Variants in SLC15A2 observed in about 807,000 individuals in gnomAD.
The protein encoded by SLC15A2 is solute carrier family 15 member 2, also known as kidney H(+)/peptide cotransporter.
Under a neutral mutation model 95.5 loss-of-function variants are expected in SLC15A2, and 77 were observed. The ratio of observed to expected loss-of-function variants is 0.81; its 90% CI spans 0.67 to 0.97. The LOEUF is 0.97. SLC15A2 is among the 50% of genes least tolerant of loss of function. The probability of loss-of-function intolerance (pLI) is 0.00; values close to 1 mark genes in which losing one functional copy is unlikely to be tolerated. For missense variants in SLC15A2, 893 were observed against 874.4 expected, an observed-to-expected ratio of 1.02 and a Z score of -0.27; for synonymous variants, 306 against 306.9, an observed-to-expected ratio of 1.00 and a Z score of 0.03.
intron 4 of SLC15A2, among the ~76,000 whole-genome samples, chr3:121,912,243 GTTTGT>G (rs912334753): frequency 3.3e-5 from 5 of 152,038 alleles, no homozygotes; most frequent in Admixed American, 6.6e-5. Flanking sequence ...TTGTTTGTTT[GTTTGT>G]TTTTAGACAG....
At chr3:121,920,255 C>G (rs1033526955) in intron 7 of SLC15A2, among the ~76,000 whole-genome samples, 2 of 152,102 alleles carry the variant, frequency 1.3e-5, no homozygotes, top group African/African-American at 4.8e-5. Flanking sequence ...TTATTCCCTA[C>G]CCAAAATTTT....
At chr3:121,939,000 G>A (rs1710406134) in intron 19 of SLC15A2, among the ~76,000 whole-genome samples, 1 of 152,188 alleles carries the variant, frequency 6.6e-6, no homozygotes, top group Admixed American at 6.5e-5. Context: ...GGAATTATCT[G>A]AAAATTTATT....
rs1445940550 is a variant in SLC15A2 at position 121,940,919 on chromosome 3, CAG to C, written c.2105_2106del (p.Glu702GlyfsTer8). 8 of 1,614,126 alleles carry C rather than the reference CAG, an allele frequency of 5.0e-6. No homozygotes were observed. In the Middle Eastern group the frequency reaches 4.9e-4, roughly 100 times the overall value. ...GGCTACTACTATGTTCCTGTAAAGA[CAG>C]AGGATATGCGGGGTCCAGCAGATAA... On this transcript the variant is annotated frameshift_variant, in exon 22 of 22. Coordinates refer to ENST00000489711, the MANE Select transcript of SLC15A2 (RefSeq NM_021082.4). LOFTEE classifies it high-confidence loss of function.
intron 19 of SLC15A2, among the ~76,000 whole-genome samples, chr3:121,938,050 G>GT (rs1710383409): frequency 6.6e-6 from 1 of 151,232 alleles, no homozygotes; most frequent in African/African-American, 2.5e-5. Flanking sequence ...TGCCCCTGCT[G>GT]GGGGGTGCCT....
intron 20 of SLC15A2, 90 bp downstream of exon 20, chr3:121,939,585 A>G (rs1173784150): frequency 1.0e-5 from 12 of 1,189,146 alleles, no homozygotes; most frequent in Non-Finnish European, 1.1e-5. Context: ...TAGGTATGTT[A>G]TCTCTTTTGG....
intron 3 of SLC15A2, among the ~76,000 whole-genome samples, chr3:121,898,391 A>G (rs1709461669): frequency 6.6e-6 from 1 of 152,142 alleles, no homozygotes. Flanking sequence ...AGTATCTTTT[A>G]AGTCCCTGAA....
chr3:121,927,211 A>G (rs922318347), intron 13 of SLC15A2, among the ~76,000 whole-genome samples: 3 of 152,234 alleles, frequency 2.0e-5, no homozygotes, highest in African/African-American at 7.2e-5. Context: ...GTATTTTGCA[A>G]TGTGAGAAGG....
At chr3:121,931,579 A>G in intron 18 of SLC15A2, 60 bp from the exon 19 acceptor site, 2 of 1,035,958 alleles carry the variant, frequency 1.9e-6, no homozygotes, top group Non-Finnish European at 3.0e-6. Context: ...TTTCACCTGG[A>G]GATGGGAATG....
At chr3:121,930,478 G>T (rs912140164) in intron 17 of SLC15A2, among the ~76,000 whole-genome samples, 2 of 152,132 alleles carry the variant, frequency 1.3e-5, no homozygotes, top group African/African-American at 4.8e-5. Flanking sequence ...TAAAGTCTCA[G>T]TTGATAGATT....
rs752201942 is a variant in SLC15A2 at position 121,896,429 on chromosome 3, A to G, written c.129A>G (p.Pro43=). The G allele has an allele frequency of 6.2e-7, 1 of 1,614,124 alleles. No homozygotes were observed. The highest frequency in any genetic ancestry group is 1.1e-5 in the South Asian group (1 of 91,084). The part of the protein sequence containing the change: ...PSPTICGSNY[P]LSIAFIVVNE... ...AGACAATCTGTGGCTCCAACTATCCACTGAGCATTGCCTTCATTGTGGTGA... is the reference window on the plus strand; with the variant it reads ...AGACAATCTGTGGCTCCAACTATCCGCTGAGCATTGCCTTCATTGTGGTGA... Residue 43 remains proline (P), a synonymous_variant, in exon 2 of 22, where the codon CCA becomes CCG. Coordinates refer to ENST00000489711, the MANE Select transcript of SLC15A2 (RefSeq NM_021082.4).
In SLC15A2 at chr3:121,925,896, A is replaced by C. The variant is rs1046617201; in HGVS notation, c.1124+863A>C. On this transcript the variant is annotated intron_variant, in intron 13 of 21. Transcript: ENST00000489711. ...TGCCAAAGCCAACAGATTTCTGCAG[A>C]GGAATGTGAGGTAAAGCATGTACAG... 3.3e-5 allele frequency among the ~76,000 whole-genome samples: 5 copies of C among 151,226 alleles called. No homozygotes were observed. The East Asian group carries it at 9.8e-4, about 30-fold the overall frequency.
chr3:121,935,630 T>C (rs1189847243), intron 19 of SLC15A2, among the ~76,000 whole-genome samples: 1 of 151,880 alleles, frequency 6.6e-6, no homozygotes, highest in East Asian at 1.9e-4. Flanking sequence ...TCATTTTTTA[T>C]TGCGTCTATT....
intron 3 of SLC15A2, among the ~76,000 whole-genome samples, chr3:121,907,764 C>A (rs1263162721): frequency 6.6e-6 from 1 of 152,174 alleles, no homozygotes; most frequent in Non-Finnish European, 1.5e-5. Flanking sequence ...CAGAGGGACA[C>A]CCGCCTGTAA....
chr3:121,915,562 A>T (rs1334136850), intron 6 of SLC15A2, 54 bp from the exon 7 acceptor site: 1 of 1,359,714 alleles, frequency 7.4e-7, no homozygotes, highest in African/African-American at 1.4e-5. Context: ...AGAATAAAAC[A>T]TCAAATATTC....
At chr3:121,915,571 T>C in intron 6 of SLC15A2, 45 bp from the exon 7 acceptor site, 2 of 1,417,948 alleles carry the variant, frequency 1.4e-6, no homozygotes, top group Non-Finnish European at 2.0e-6. Flanking sequence ...CATCAAATAT[T>C]CAAGACTCAG....
rs1292510492 is a variant in SLC15A2 at position 121,937,088 on chromosome 3, T to G, written c.1762-2261T>G. ...TCTTTTCTTTAAGAATGTTGAATAT[T>G]GGCCCCCACTCTCTTCTGGCTTGTA... is the stretch of plus-strand genomic sequence containing the variant. On this transcript the variant is annotated intron_variant, in intron 19 of 21. Coordinates refer to ENST00000489711, the MANE Select transcript of SLC15A2 (RefSeq NM_021082.4). Among the ~76,000 whole-genome samples, 8 of 132,502 alleles carry G rather than the reference T, an allele frequency of 6.0e-5. 1 individual carries two copies. Among genetic ancestry groups the G allele is most frequent in the Admixed American group, 5.6e-4 (7 of 12,576 alleles). 86.9% of individuals were successfully genotyped at this position (132,502 alleles called of 152,430 possible).
chr3:121,944,003 A>AT lies in SLC15A2; in HGVS notation c.*3002dup, dbSNP rs1710506612. ...AAATGTCTATATCTGTTATGTATCA[A>AT]TTTTTTAAAAAGTGAATGACATAAT... is the stretch of plus-strand genomic sequence containing the variant. On this transcript the variant is annotated 3_prime_UTR_variant, in exon 22 of 22. Coordinates refer to ENST00000489711, the MANE Select transcript of SLC15A2 (RefSeq NM_021082.4). 6.6e-6 allele frequency: 1 copy of AT among 152,194 alleles called. No individual in the cohort carries two copies. Among genetic ancestry groups the AT allele is most frequent in the Non-Finnish European group, 1.5e-5 (1 of 68,032 alleles). 9.4% of individuals were successfully genotyped at this position (152,194 alleles called of 1,614,324 possible). A position where few individuals can be genotyped will look rare whatever the true frequency, so the allele number is the denominator to read the frequency against.
chr3:121,937,675 T>C (rs1019914925), intron 19 of SLC15A2, among the ~76,000 whole-genome samples: 7 of 152,208 alleles, frequency 4.6e-5, no homozygotes, highest in Non-Finnish European at 1.0e-4. Context: ...TCTAAATTTT[T>C]TTCAAAGTTT....
intron 19 of SLC15A2, among the ~76,000 whole-genome samples, chr3:121,935,346 T>C (rs933811775): frequency 1.3e-5 from 2 of 152,190 alleles, no homozygotes; most frequent in African/African-American, 4.8e-5. Flanking sequence ...ATGGTATCAG[T>C]TCCTCCTTGT....
Sources: gnomAD v4.1 joint callset for allele counts (sites outside exome capture counted in the v4.1 genomes callset) on GRCh38, gnomAD v4.1.1 for gene constraint, MANE v1.5 for transcripts, NCBI Gene and HGNC (gene_info 2026-07-23, HGNC 2026-07-21) for gene names.